The following CIMIP6 variants were observed in gnomAD, a reference collection of about 807,000 sequenced individuals.
The protein encoded by CIMIP6 is ciliary microtubule inner protein 6.
chr2:54,334,743 T>A, the CIMIP6 span: 1 of 1,031,720 alleles, frequency 9.7e-7, no homozygotes, highest in African/African-American at 1.6e-5. Context: ...TATATTTAAA[T>A]CTTATTTTAC....
chr2:54,366,156 G>A, the CIMIP6 span, among the ~76,000 whole-genome samples: 1 of 152,126 alleles, frequency 6.6e-6, no homozygotes, highest in Non-Finnish European at 1.5e-5. Context: ...TTGTAGCTGG[G>A]TTGACTATAT....
chr2:54,360,404 A>G, the CIMIP6 span: 1 of 1,606,182 alleles, frequency 6.2e-7, no homozygotes, highest in Non-Finnish European at 8.5e-7. Context: ...AGAGCCTAAA[A>G]CTCACTTATC....
chr2:54,382,583 T>A, the CIMIP6 span, among the ~76,000 whole-genome samples: 1 of 152,134 alleles, frequency 6.6e-6, no homozygotes, highest in African/African-American at 2.4e-5. Flanking sequence ...AAATCCTACC[T>A]ATATTCAAAT....
chr2:54,373,709 G>A, the CIMIP6 span, among the ~76,000 whole-genome samples: 2 of 152,114 alleles, frequency 1.3e-5, no homozygotes, highest in African/African-American at 4.8e-5. Flanking sequence ...TCCTTGGCAT[G>A]GCATCAGTGA....
At chr2:54,347,607 C>T in the CIMIP6 span, among the ~76,000 whole-genome samples, 1 of 152,094 alleles carries the variant, frequency 6.6e-6, no homozygotes, top group Non-Finnish European at 1.5e-5. Flanking sequence ...TGGGCTTTTT[C>T]TGGGTTCATA....
chr2:54,348,722 A>G, the CIMIP6 span, among the ~76,000 whole-genome samples: 1 of 152,244 alleles, frequency 6.6e-6, no homozygotes, highest in Non-Finnish European at 1.5e-5. Context: ...TACCATAAGC[A>G]TATGAACATG....
the CIMIP6 span, among the ~76,000 whole-genome samples, chr2:54,372,880 CA>C: frequency 1.3e-5 from 2 of 152,156 alleles, no homozygotes; most frequent in African/African-American, 4.8e-5. Flanking sequence ...TGGTATGTTT[CA>C]AACCAGGGTC....
the CIMIP6 span, among the ~76,000 whole-genome samples, chr2:54,331,370 T>C: frequency 6.6e-6 from 1 of 152,186 alleles, no homozygotes; most frequent in African/African-American, 2.4e-5. Flanking sequence ...GCCGGGATGC[T>C]GCAACAGCCC....
At chr2:54,373,055 T>C in the CIMIP6 span, among the ~76,000 whole-genome samples, 2 of 152,152 alleles carry the variant, frequency 1.3e-5, no homozygotes, top group Admixed American at 6.5e-5. Flanking sequence ...GGTCTCCTAC[T>C]GACCTGAATT....
At chr2:54,366,833 A>C in the CIMIP6 span, among the ~76,000 whole-genome samples, 2 of 152,158 alleles carry the variant, frequency 1.3e-5, no homozygotes, top group African/African-American at 2.4e-5. Context: ...TACACAGATT[A>C]ATAGTAATTG....
chr2:54,357,970 A>T, the CIMIP6 span, among the ~76,000 whole-genome samples: 2 of 152,136 alleles, frequency 1.3e-5, no homozygotes, highest in Non-Finnish European at 2.9e-5. Context: ...AACAGTACTG[A>T]AAGTTGCTCT....
chr2:54,335,143 C>A, the CIMIP6 span: 1 of 764,566 alleles, frequency 1.3e-6, no homozygotes, highest in Non-Finnish European at 2.0e-6. Flanking sequence ...TTATCATAAT[C>A]CAATAGTTAA....
At chr2:54,370,442 TA>T in the CIMIP6 span, among the ~76,000 whole-genome samples, 3,376 of 147,456 alleles carry the variant, frequency 0.023, 53 homozygotes, top group Non-Finnish European at 0.036. Flanking sequence ...TTTTTAGTAC[TA>T]AAAAAAAAAA....
At chr2:54,360,534 TA>T in the CIMIP6 span, 21 of 1,507,240 alleles carry the variant, frequency 1.4e-5, no homozygotes, top group Non-Finnish European at 1.8e-5. Flanking sequence ...CACAAGCCTT[TA>T]AATCCACCAA....
the CIMIP6 span, among the ~76,000 whole-genome samples, chr2:54,374,987 A>G: frequency 7.3e-4 from 111 of 152,338 alleles, no homozygotes; most frequent in African/African-American, 2.5e-3. Flanking sequence ...TATCTAGTGC[A>G]GTATTAATAA....
At chr2:54,335,939 C>A in the CIMIP6 span, among the ~76,000 whole-genome samples, 1 of 152,172 alleles carries the variant, frequency 6.6e-6, no homozygotes, top group Non-Finnish European at 1.5e-5. Context: ...TCTCCTGACT[C>A]TCTCTTATAA....
the CIMIP6 span, among the ~76,000 whole-genome samples, chr2:54,362,488 A>G: frequency 6.6e-6 from 1 of 152,050 alleles, no homozygotes; most frequent in South Asian, 2.1e-4. Context: ...TGGAACAGCT[A>G]TTAGCTAAAT....
chr2:54,370,364 T>C, the CIMIP6 span, among the ~76,000 whole-genome samples: 92 of 152,214 alleles, frequency 6.0e-4, 1 homozygote, highest in African/African-American at 2.0e-3. Flanking sequence ...ACAAGAGTGT[T>C]GTGGAAATTA....
chr2:54,331,270 G>A, the CIMIP6 span, among the ~76,000 whole-genome samples: 17,124 of 152,134 alleles, frequency 0.11, 1,176 homozygotes, highest in Middle Eastern at 0.2. Flanking sequence ...AGCAGATTCT[G>A]TAGTCTTTAC....
Sources: allele counts gnomAD v4.1 joint callset (sites outside exome capture counted in the v4.1 genomes callset), GRCh38; gene constraint gnomAD v4.1.1; transcripts MANE v1.5; gene names NCBI Gene and HGNC (gene_info 2026-07-23, HGNC 2026-07-21).